Variants in LRRC74A observed in about 807,000 individuals in gnomAD.
LRRC74A encodes the protein leucine-rich repeat-containing protein 74A.
In LRRC74A, 44 loss-of-function variants were observed where a neutral mutation model predicts 57.9. The ratio of observed to expected loss-of-function variants is 0.76; its 90% confidence interval spans 0.60 to 0.98. LRRC74A has a LOEUF of 0.98. Among genes scored for constraint, LRRC74A ranks in the 50% least tolerant of loss-of-function variants. The pLI is 0.00. For synonymous variants in LRRC74A, 211 were observed against 219.4 expected (o/e 0.96, Z 0.34); for missense variants, 572 against 574.0 (o/e 1.00, Z 0.04).
chr14:76,867,211 T>C (rs1359583623), intron 12 of LRRC74A, 145 bp from the exon 13 acceptor site: 1 of 149,116 alleles, frequency 6.7e-6, no homozygotes, highest in Non-Finnish European at 1.2e-5. Flanking sequence ...GGGGGTGGGG[T>C]GTGTGTGTGT....
intron 11 of LRRC74A, among the ~76,000 whole-genome samples, chr14:76,861,573 A>C (rs910719801): frequency 8.5e-5 from 13 of 152,308 alleles, no homozygotes; most frequent in African/African-American, 3.1e-4. Flanking sequence ...CTTTGTTTCT[A>C]ATGATAACTT....
chr14:76,835,449 T>C lies in LRRC74A; in HGVS notation c.340-758T>C, dbSNP rs917568906. Among the ~76,000 whole-genome samples, 4 of 148,018 alleles carry C rather than the reference T, an allele frequency of 2.7e-5. No individual in the cohort carries two copies. In the Admixed American group the frequency reaches 2.7e-4, roughly 10 times the overall value. ...TTGCAGTGAGCCGAGATCACGCCAC[T>C]GCACTCCATCCTGGGCGACAGAGCA... is the stretch of plus-strand genomic sequence containing the variant. On this transcript the variant is annotated intron_variant, in intron 3 of 13. Transcript: ENST00000689127.
At position 76,870,147 on chromosome 14, in the gene LRRC74A, T is replaced by C; in HGVS notation, c.1414T>C (p.Ter472GlnextTer?). 6.2e-7 allele frequency: 1 copy of C among 1,611,360 alleles called. No individual in the cohort carries two copies. Among genetic ancestry groups the C allele is most frequent in the Non-Finnish European group, 8.5e-7 (1 of 1,178,796 alleles). Residue 472 changes from the stop codon to glutamine (Q), a stop_lost, in exon 14 of 14, where the codon TAG becomes CAG. Transcript: ENST00000689127. ...NFSFLNTMKP[*>Q] ...CAGTTTCTTGAACACGATGAAGCCATAGCAACAAGTCTGGTCTAGAAAGAA... is the reference window on the plus strand; with the variant it reads ...CAGTTTCTTGAACACGATGAAGCCACAGCAACAAGTCTGGTCTAGAAAGAA...
chr14:76,828,856 G>A (rs1895775978), intron 2 of LRRC74A: 3 of 468,180 alleles, frequency 6.4e-6, no homozygotes, highest in African/African-American at 6.1e-5. Context: ...CACGTTGGCT[G>A]ATCCCGTGTT....
intron 7 of LRRC74A, among the ~76,000 whole-genome samples, chr14:76,847,529 GACTA>G (rs148614264): frequency 5.8e-4 from 88 of 152,080 alleles, no homozygotes; most frequent in African/African-American, 2.1e-3. Context: ...GACACTGGGG[GACTA>G]ACTGAGGGTG....
At position 76,867,209 on chromosome 14, in the gene LRRC74A, GGT is replaced by G. The variant is rs1211237237; in HGVS notation, c.1309-133_1309-132del. On this transcript the variant is annotated intron_variant, in intron 12 of 13. Coordinates refer to ENST00000689127, the MANE Select transcript of LRRC74A (RefSeq NM_001385106.1). ...GGGGAGTGTGTGTGTTGGGGGGTGGGGTGTGTGTGTGTGTGGTAGTGTGTGTG... is the reference window on the plus strand; with the variant it reads ...GGGGAGTGTGTGTGTTGGGGGGTGGGGTGTGTGTGTGTGGTAGTGTGTGTG... The G allele has an allele frequency of 2.6e-3, 823 of 319,108 alleles. 1 individual carries two copies. The highest frequency in any genetic ancestry group is 4.2e-3 in the South Asian group (181 of 42,994). The allele number at this position is 319,108 out of a possible 1,614,324, so 19.8% of individuals were successfully genotyped here.
chr14:76,865,877 C>T, intron 11 of LRRC74A, 91 bp from the exon 12 acceptor site: 1 of 1,008,696 alleles, frequency 9.9e-7, no homozygotes, highest in Admixed American at 2.0e-5. Flanking sequence ...GGCCTGGAAG[C>T]ATGGGCCGCT....
At chr14:76,847,006 G>A (rs867711581) in intron 7 of LRRC74A, among the ~76,000 whole-genome samples, 26 of 152,212 alleles carry the variant, frequency 1.7e-4, no homozygotes, top group Middle Eastern at 6.8e-3. Flanking sequence ...GTAGGTGGCC[G>A]TCGAACTGAC....
In LRRC74A at chr14:76,840,745, G is replaced by A. The variant is rs569031288; in HGVS notation, c.544+2774G>A. Among the ~76,000 whole-genome samples, 24 of 151,608 alleles carry A rather than the reference G, an allele frequency of 1.6e-4. 1 individual carries two copies. The South Asian group carries it at 2.5e-3, about 16-fold the overall frequency. ...ACTACAGGCGCCCGCCACCTCGCCC[G>A]GCTAATTTTTTGTATTTTTAGTAGA... On this transcript the variant is annotated intron_variant, in intron 5 of 13. Transcript: ENST00000689127.
intron 9 of LRRC74A, among the ~76,000 whole-genome samples, chr14:76,854,484 G>A (rs1897743488): frequency 6.6e-6 from 1 of 152,178 alleles, no homozygotes; most frequent in African/African-American, 2.4e-5. Flanking sequence ...GTGCATGCCT[G>A]TAATCCCAAC....
At chr14:76,854,188 G>C (rs969038997) in intron 9 of LRRC74A, among the ~76,000 whole-genome samples, 1 of 152,202 alleles carries the variant, frequency 6.6e-6, no homozygotes, top group African/African-American at 2.4e-5. Flanking sequence ...CCTCCGTCTA[G>C]GGGACCTGCT....
chr14:76,834,839 C>G (rs1896209239), intron 3 of LRRC74A, among the ~76,000 whole-genome samples: 1 of 152,230 alleles, frequency 6.6e-6, no homozygotes, highest in African/African-American at 2.4e-5. Flanking sequence ...CCATCTCCCT[C>G]ACCTTTGAGC....
chr14:76,844,576 G>A, intron 6 of LRRC74A, 104 bp downstream of exon 6: 3 of 1,204,446 alleles, frequency 2.5e-6, no homozygotes, highest in East Asian at 2.5e-5. Context: ...ACTTTCACAT[G>A]TTAGGGACTG....
chr14:76,857,181 A>AATGGATGGATGGATGGATGGATGG, intron 9 of LRRC74A, among the ~76,000 whole-genome samples, 199 bp from the exon 10 acceptor site: 1 of 130,314 alleles, frequency 7.7e-6, no homozygotes, highest in South Asian at 2.5e-4. Context: ...TGGATGGATG[A>AATGGATGGATGGATGGATGGATGG]ATGGATGGAT....
At chr14:76,867,258 G>T (rs1176084014) in intron 12 of LRRC74A, 98 bp from the exon 13 acceptor site, 4 of 423,248 alleles carry the variant, frequency 9.5e-6, no homozygotes, top group Non-Finnish European at 1.3e-5. Flanking sequence ...TGGGGGGGTG[G>T]GGTGTGTGTG....
In LRRC74A at chr14:76,826,514, T is replaced by A. The variant is rs1183167519; in HGVS notation, c.-184T>A. 1.9e-6 allele frequency: 3 copies of A among 1,600,794 alleles called. No individual in the cohort carries two copies. The African/African-American group carries it at 4.0e-5, about 21-fold the overall frequency. On this transcript the variant is annotated 5_prime_UTR_variant, in exon 1 of 14. Transcript: ENST00000689127. ...CAAATTCATGCACATCCAATTCCCA[T>A]CAAAGCCTACTCTTCCCAGGGCTTG...
intron 4 of LRRC74A, 25 bp from the exon 5 acceptor site, chr14:76,837,850 A>C: frequency 2.1e-6 from 3 of 1,437,000 alleles, no homozygotes; most frequent in Non-Finnish European, 1.9e-6. Flanking sequence ...TTTTTTACAT[A>C]CCGAAGTGTT....
rs372037286 is a variant in LRRC74A, at chr14:76,869,862, G to T, written c.1392-263G>T. ...TTTATCTCCCTCCATAGTTTACTCTGCCTCCCCAAAGGGCTCTTGCAAACG... is the reference window on the plus strand; with the variant it reads ...TTTATCTCCCTCCATAGTTTACTCTTCCTCCCCAAAGGGCTCTTGCAAACG... On this transcript the variant is annotated intron_variant, in intron 13 of 13. Coordinates refer to ENST00000689127, the MANE Select transcript of LRRC74A (RefSeq NM_001385106.1). Among the ~76,000 whole-genome samples, 24 of 152,044 alleles carry T rather than the reference G, an allele frequency of 1.6e-4. No homozygotes were observed. In the East Asian group the frequency reaches 4.5e-3, roughly 28 times the overall value.
intron 3 of LRRC74A, among the ~76,000 whole-genome samples, chr14:76,835,483 T>C (rs971780298): frequency 4.4e-5 from 2 of 45,410 alleles, no homozygotes; most frequent in Non-Finnish European, 1.1e-4. Flanking sequence ...CAAGACTCCA[T>C]CTCAAAAAAA....
Sources: allele counts gnomAD v4.1 joint callset (sites outside exome capture counted in the v4.1 genomes callset), GRCh38; gene constraint gnomAD v4.1.1; transcripts MANE v1.5; gene names NCBI Gene and HGNC (gene_info 2026-07-23, HGNC 2026-07-21).